The following ZNF804B variants were observed in gnomAD, a reference collection of about 807,000 sequenced individuals.
ZNF804B encodes zinc finger 804B.
Under a neutral mutation model 101.4 loss-of-function variants are expected in ZNF804B, and 80 were observed. The ratio of observed to expected loss-of-function variants is 0.79; its 90% CI spans 0.66 to 0.95. The LOEUF (loss-of-function observed/expected upper bound fraction) is 0.95, where lower values mean the gene tolerates loss of function less well. Ranked by LOEUF, ZNF804B falls within the 40% of genes least tolerant of loss-of-function variation. The pLI is 0.00. For missense variants in ZNF804B, 1,673 were observed against 1,561.9 expected, an observed-to-expected ratio of 1.07 and a Z score of -1.20; for synonymous variants, 622 against 558.8, an observed-to-expected ratio of 1.11 and a Z score of -1.59.
intron 1 of ZNF804B, among the ~76,000 whole-genome samples, chr7:89,136,066 G>A (rs1790630333): frequency 6.6e-6 from 1 of 152,038 alleles, no homozygotes; most frequent in Non-Finnish European, 1.5e-5. Flanking sequence ...CTAACATCAT[G>A]TCCTGAAAAC....
intron 1 of ZNF804B, among the ~76,000 whole-genome samples, chr7:88,849,359 A>G (rs867920368): frequency 6.6e-6 from 1 of 151,918 alleles, no homozygotes; most frequent in Non-Finnish European, 1.5e-5. Context: ...TTTATTTTTT[A>G]TTTTTTAAGG....
chr7:89,135,018 G>A (rs1790608797), intron 1 of ZNF804B, among the ~76,000 whole-genome samples: 1 of 151,982 alleles, frequency 6.6e-6, no homozygotes, highest in Non-Finnish European at 1.5e-5. Context: ...CTACATTAGT[G>A]TTTTGTTAAA....
At chr7:89,328,652 G>A (rs933927280) in intron 3 of ZNF804B, among the ~76,000 whole-genome samples, 9 of 151,712 alleles carry the variant, frequency 5.9e-5, no homozygotes, top group Non-Finnish European at 7.4e-5. Flanking sequence ...AAGTTCTATT[G>A]TTGTTAGGGT....
intron 1 of ZNF804B, among the ~76,000 whole-genome samples, chr7:88,855,216 A>G (rs1281324525): frequency 1.3e-5 from 2 of 152,074 alleles, no homozygotes; most frequent in African/African-American, 4.8e-5. Context: ...TTACAGTCTC[A>G]CCAACATTGT....
chr7:88,874,183 C>A (rs1408466032), intron 1 of ZNF804B, among the ~76,000 whole-genome samples: 2 of 152,122 alleles, frequency 1.3e-5, no homozygotes, highest in African/African-American at 4.8e-5. Context: ...AGAGGTCCTT[C>A]ACATCCCTTG....
intron 1 of ZNF804B, among the ~76,000 whole-genome samples, chr7:89,086,690 C>T (rs1789807136): frequency 6.6e-6 from 1 of 151,914 alleles, no homozygotes; most frequent in African/African-American, 2.4e-5. Context: ...GATGCTGAAC[C>T]ATGCAGCAGA....
intron 2 of ZNF804B, among the ~76,000 whole-genome samples, chr7:89,224,753 T>C (rs1437538703): frequency 1.2e-5 from 1 of 86,644 alleles, no homozygotes; most frequent in African/African-American, 4.9e-5. Context: ...TGTGTGTGTA[T>C]GAGTGTGTGT....
intron 1 of ZNF804B, among the ~76,000 whole-genome samples, chr7:88,898,827 A>G (rs1477252222): frequency 1.3e-5 from 2 of 152,232 alleles, no homozygotes; most frequent in East Asian, 1.9e-4. Context: ...CACAGGTCAC[A>G]CGTGCCTCTG....
Position 89,144,909 on chromosome 7 carries a change from C to T in ZNF804B, c.109-73246C>T, listed in dbSNP as rs973485459. On this transcript the variant is annotated intron_variant, in intron 1 of 3. Coordinates refer to ENST00000333190, the MANE Select transcript of ZNF804B (RefSeq NM_181646.5). ...GAGTTGGAGCTCAGGAGTTATAGTCCACCTTGGGCCAAATGGAGAAACTCC... is the reference window on the plus strand; with the variant it reads ...GAGTTGGAGCTCAGGAGTTATAGTCTACCTTGGGCCAAATGGAGAAACTCC... 4.0e-5 allele frequency among the ~76,000 whole-genome samples: 6 copies of T among 151,632 alleles called. No homozygotes were observed. The Admixed American group carries it at 4.0e-4, about 10-fold the overall frequency.
At position 89,337,044 on chromosome 7, in the gene ZNF804B, G is replaced by T; in HGVS notation, c.*12G>T. On this transcript the variant is annotated 3_prime_UTR_variant, in exon 4 of 4. Transcript: ENST00000333190. ...CACACTTGAACTAATAAGTGTTAAAGCCCCTCCTGTGGATAATTTTTTTAA... is the reference window on the plus strand; with the variant it reads ...CACACTTGAACTAATAAGTGTTAAATCCCCTCCTGTGGATAATTTTTTTAA... The T allele has an allele frequency of 6.3e-7, 1 of 1,598,684 alleles. No homozygotes were observed. The highest frequency in any genetic ancestry group is 8.5e-7 in the Non-Finnish European group (1 of 1,170,596).
chr7:89,269,991 A>T (rs1055569709), intron 2 of ZNF804B, among the ~76,000 whole-genome samples: 2 of 152,066 alleles, frequency 1.3e-5, no homozygotes, highest in African/African-American at 4.8e-5. Flanking sequence ...TAGATTGCAA[A>T]AATTTTCTTC....
intron 1 of ZNF804B, among the ~76,000 whole-genome samples, chr7:88,869,943 T>A (rs954269691): frequency 6.6e-6 from 1 of 152,172 alleles, no homozygotes; most frequent in Non-Finnish European, 1.5e-5. Flanking sequence ...AAAACCAGCC[T>A]AGCAATTTTA....
intron 1 of ZNF804B, among the ~76,000 whole-genome samples, chr7:89,161,575 G>A (rs1791064043): frequency 6.6e-6 from 1 of 151,928 alleles, no homozygotes; most frequent in African/African-American, 2.4e-5. Flanking sequence ...CTTTTACAGA[G>A]ATGGGGTTTC....
intron 1 of ZNF804B, among the ~76,000 whole-genome samples, chr7:88,861,416 G>A (rs1446797464): frequency 6.6e-6 from 1 of 152,128 alleles, no homozygotes; most frequent in Admixed American, 6.5e-5. Flanking sequence ...CTTAAGACAT[G>A]TTCTGGAAGG....
At chr7:88,981,036 C>T (rs1434187077) in intron 1 of ZNF804B, among the ~76,000 whole-genome samples, 1 of 152,014 alleles carries the variant, frequency 6.6e-6, no homozygotes, top group Non-Finnish European at 1.5e-5. Flanking sequence ...AGACAAAGTC[C>T]TTGTCACTCT....
At chr7:89,126,692 G>A (rs1156714110) in intron 1 of ZNF804B, among the ~76,000 whole-genome samples, 2 of 151,726 alleles carry the variant, frequency 1.3e-5, no homozygotes, top group Non-Finnish European at 2.9e-5. Context: ...GAACACATAA[G>A]ACTAATTCAC....
chr7:89,065,619 A>G (rs1467595917), intron 1 of ZNF804B, among the ~76,000 whole-genome samples: 1 of 152,082 alleles, frequency 6.6e-6, no homozygotes, highest in Non-Finnish European at 1.5e-5. Context: ...TTATTCTCTT[A>G]TAGATCTGGA....
intron 1 of ZNF804B, among the ~76,000 whole-genome samples, chr7:89,150,252 G>A (rs1434099122): frequency 1.3e-5 from 2 of 151,862 alleles, no homozygotes; most frequent in Admixed American, 6.6e-5. Flanking sequence ...GGTACCATCC[G>A]AGATTTTAGG....
intron 2 of ZNF804B, among the ~76,000 whole-genome samples, chr7:89,299,348 T>C (rs1217092796): frequency 6.6e-6 from 1 of 152,064 alleles, no homozygotes; most frequent in African/African-American, 2.4e-5. Flanking sequence ...ATTTTGCATA[T>C]AAAAAATCTA....
Sources: gnomAD v4.1 joint callset for allele counts (sites outside exome capture counted in the v4.1 genomes callset) on GRCh38, gnomAD v4.1.1 for gene constraint, MANE v1.5 for transcripts, NCBI Gene and HGNC (gene_info 2026-07-23, HGNC 2026-07-21) for gene names.